The following SPAG16 variants were observed in gnomAD, a reference collection of about 807,000 sequenced individuals.
SPAG16 encodes the protein sperm-associated antigen 16 protein.
In SPAG16, 86 loss-of-function variants were observed where a neutral mutation model predicts 80.4. The observed-to-expected ratio is 1.07, with a 90% CI of 0.90 to 1.28. SPAG16 has a LOEUF of 1.28. SPAG16 is among the 50% of genes most tolerant of loss of function. The pLI is 0.00. For synonymous variants in SPAG16, 294 were observed against 265.9 expected (o/e 1.11, Z -1.03); for missense variants, 870 against 765.3 (o/e 1.14, Z -1.61).
intron 10 of SPAG16, among the ~76,000 whole-genome samples, chr2:213,665,094 G>A (rs891874774): frequency 6.6e-6 from 1 of 151,870 alleles, no homozygotes; most frequent in South Asian, 2.1e-4. Flanking sequence ...GCACATTTCA[G>A]CTTCATAAAA....
chr2:213,567,273 G>A (rs1232143535), intron 10 of SPAG16, among the ~76,000 whole-genome samples: 4 of 131,528 alleles, frequency 3.0e-5, no homozygotes, highest in African/African-American at 1.2e-4. Flanking sequence ...GGGTACATGT[G>A]CACATTGTGC....
At chr2:214,289,011 A>C (rs12694322) in intron 15 of SPAG16, among the ~76,000 whole-genome samples, 1 of 152,072 alleles carries the variant, frequency 6.6e-6, no homozygotes, top group Non-Finnish European at 1.5e-5. Context: ...CTCGTGATCC[A>C]CCTGCTTTGG....
chr2:214,272,438 C>G (rs944671107), intron 15 of SPAG16, among the ~76,000 whole-genome samples: 7 of 152,072 alleles, frequency 4.6e-5, no homozygotes, highest in Non-Finnish European at 7.4e-5. Context: ...AATGCTATCC[C>G]TCCCCCTGCC....
intron 12 of SPAG16, among the ~76,000 whole-genome samples, chr2:213,993,280 T>G (rs750463146): frequency 4.6e-5 from 7 of 152,206 alleles, no homozygotes; most frequent in Non-Finnish European, 1.0e-4. Context: ...AGACCCATGC[T>G]TATAACTAGG....
intron 10 of SPAG16, among the ~76,000 whole-genome samples, chr2:213,742,209 A>C (rs2067585604): frequency 6.6e-6 from 1 of 151,648 alleles, no homozygotes; most frequent in Non-Finnish European, 1.5e-5. Context: ...TTTCCCTAAG[A>C]ATTTTGGAAC....
At chr2:213,471,847 C>T (rs932534354) in intron 9 of SPAG16, among the ~76,000 whole-genome samples, 14 of 152,190 alleles carry the variant, frequency 9.2e-5, no homozygotes, top group African/African-American at 3.1e-4. Flanking sequence ...AGGCATTGTG[C>T]CTCTTTCTTG....
chr2:213,541,481 G>T (rs1302936069), intron 10 of SPAG16, among the ~76,000 whole-genome samples: 1 of 151,956 alleles, frequency 6.6e-6, no homozygotes, highest in Admixed American at 6.6e-5. Context: ...TTAGCCTGGC[G>T]TGGTGGCACA....
intron 10 of SPAG16, among the ~76,000 whole-genome samples, chr2:213,747,694 A>T (rs190944741): frequency 1.3e-5 from 2 of 152,336 alleles, no homozygotes; most frequent in East Asian, 3.9e-4. Context: ...GGTGTGGGGT[A>T]GGCCCTGCTA....
At chr2:213,647,474 G>A (rs1033960317) in intron 10 of SPAG16, among the ~76,000 whole-genome samples, 2 of 152,054 alleles carry the variant, frequency 1.3e-5, no homozygotes, top group African/African-American at 2.4e-5. Flanking sequence ...CTCAGGTCCC[G>A]CTGCTGGCAT....
At chr2:213,754,797 T>A (rs953802508) in intron 10 of SPAG16, among the ~76,000 whole-genome samples, 14 of 152,292 alleles carry the variant, frequency 9.2e-5, no homozygotes, top group African/African-American at 3.1e-4. Flanking sequence ...CTCAGCTGCA[T>A]TTAACTGTAG....
At chr2:213,914,898 C>T (rs531464674) in intron 11 of SPAG16, among the ~76,000 whole-genome samples, 2 of 150,850 alleles carry the variant, frequency 1.3e-5, no homozygotes, top group African/African-American at 2.4e-5. Context: ...CTTTGTCAAA[C>T]ACATAGTTTG....
chr2:214,261,214 C>A (rs1691152751), intron 15 of SPAG16, among the ~76,000 whole-genome samples: 1 of 150,586 alleles, frequency 6.6e-6, no homozygotes, highest in African/African-American at 2.4e-5. Flanking sequence ...TAAATACCTC[C>A]CTCTCCCTCT....
chr2:214,351,307 T>C (rs1698388544), intron 15 of SPAG16, among the ~76,000 whole-genome samples: 1 of 151,372 alleles, frequency 6.6e-6, no homozygotes, highest in Non-Finnish European at 1.5e-5. Context: ...ACTTCTGTCA[T>C]ATTATATCCA....
chr2:213,458,295 C>A (rs2072153863), intron 9 of SPAG16, among the ~76,000 whole-genome samples: 2 of 152,008 alleles, frequency 1.3e-5, no homozygotes, highest in African/African-American at 4.8e-5. Context: ...TGGCTGGGTG[C>A]AGTGGCTCAT....
intron 12 of SPAG16, among the ~76,000 whole-genome samples, chr2:213,991,137 A>G (rs1374455347): frequency 1.3e-5 from 2 of 152,006 alleles, no homozygotes; most frequent in African/African-American, 2.4e-5. Flanking sequence ...ATGTCTCCTA[A>G]TGCTATCTCT....
intron 14 of SPAG16, among the ~76,000 whole-genome samples, chr2:214,115,236 G>T (rs1440162426): frequency 6.6e-6 from 1 of 152,176 alleles, no homozygotes; most frequent in African/African-American, 2.4e-5. Context: ...TGACTGCAGA[G>T]TGCAGGGACT....
intron 15 of SPAG16, among the ~76,000 whole-genome samples, chr2:214,273,325 G>A (rs76032769): frequency 0.6 from 91,346 of 151,942 alleles, 28,084 homozygotes; most frequent in South Asian, 0.7. Context: ...TTTGGCTTTT[G>A]TTGCCATTGC....
At chr2:214,371,685 A>ATT (rs368005487) in intron 15 of SPAG16, among the ~76,000 whole-genome samples, 83,069 of 142,936 alleles carry the variant, frequency 0.58, 27,116 homozygotes, top group Non-Finnish European at 0.73. Flanking sequence ...ATAGATAATA[A>ATT]TTTTTTTTTT....
intron 1 of SPAG16, among the ~76,000 whole-genome samples, chr2:213,287,605 A>G (rs901829311): frequency 6.6e-6 from 1 of 152,164 alleles, no homozygotes; most frequent in Non-Finnish European, 1.5e-5. Context: ...TGGGCATTCT[A>G]ATACTAAGGA....
Sources: allele counts gnomAD v4.1 joint callset (sites outside exome capture counted in the v4.1 genomes callset), GRCh38; gene constraint gnomAD v4.1.1; transcripts MANE v1.5; gene names NCBI Gene and HGNC (gene_info 2026-07-23, HGNC 2026-07-21).